The following DGKH variants were observed in gnomAD, a reference collection of about 807,000 sequenced individuals.
DGKH encodes the protein DAG kinase eta.
In DGKH, 90 loss-of-function variants were observed where a neutral mutation model predicts 159.3. The ratio of observed to expected loss-of-function variants is 0.57; its 90% CI spans 0.48 to 0.67. DGKH has a LOEUF of 0.67. DGKH is among the 30% of genes least tolerant of loss of function. The pLI is 0.00. For synonymous variants in DGKH, 536 were observed against 553.8 expected, an observed-to-expected ratio of 0.97 and a Z score of 0.45; for missense variants, 1,181 against 1,506.1, an observed-to-expected ratio of 0.78 and a Z score of 3.57.
intron 1 of DGKH, among the ~76,000 whole-genome samples, chr13:42,057,639 A>G (rs1041997220): frequency 2.0e-5 from 3 of 152,216 alleles, no homozygotes; most frequent in African/African-American, 7.2e-5. Context: ...TCATGCATTC[A>G]AAGAAATATC....
chr13:42,107,022 C>A (rs140496053), intron 1 of DGKH, among the ~76,000 whole-genome samples: 1 of 151,870 alleles, frequency 6.6e-6, no homozygotes, highest in Non-Finnish European at 1.5e-5. Context: ...CCAGCCTGGG[C>A]GACAGAGTGA....
intron 3 of DGKH, among the ~76,000 whole-genome samples, chr13:42,153,525 A>T (rs1364234833): frequency 6.6e-6 from 1 of 152,208 alleles, no homozygotes; most frequent in Admixed American, 6.5e-5. Flanking sequence ...AAATACAATA[A>T]ATGCTAGAGA....
intron 21 of DGKH, among the ~76,000 whole-genome samples, chr13:42,207,007 C>CTT (rs1566191624): frequency 7.0e-6 from 1 of 142,214 alleles, no homozygotes; most frequent in Non-Finnish European, 1.5e-5. Flanking sequence ...TTCTTTCTTT[C>CTT]TTTCTTTCTT....
chr13:42,129,452 C>T, intron 2 of DGKH, 100 bp from the exon 3 acceptor site: 2 of 984,756 alleles, frequency 2.0e-6, no homozygotes, highest in South Asian at 1.8e-5. Context: ...AACTTTTTTC[C>T]CCCATTTTCT....
At chr13:42,149,844 T>A (rs1345561032) in intron 3 of DGKH, among the ~76,000 whole-genome samples, 1 of 152,224 alleles carries the variant, frequency 6.6e-6, no homozygotes, top group East Asian at 1.9e-4. Flanking sequence ...GATAAACTTA[T>A]AAGGGAAAAC....
chr13:42,062,479 C>CAGCA (rs113025058), intron 1 of DGKH, among the ~76,000 whole-genome samples: 1 of 152,116 alleles, frequency 6.6e-6, no homozygotes, highest in Non-Finnish European at 1.5e-5. Context: ...GTAGCCAGAG[C>CAGCA]AGCAAGACCA....
At chr13:42,074,743 T>C (rs1419074065) in intron 1 of DGKH, among the ~76,000 whole-genome samples, 2 of 152,090 alleles carry the variant, frequency 1.3e-5, no homozygotes, top group Non-Finnish European at 2.9e-5. Flanking sequence ...TGTGCTGGAC[T>C]TACAAAGACT....
intron 23 of DGKH, 38 bp downstream of exon 23, chr13:42,209,503 T>C (rs1433930701): frequency 6.6e-7 from 1 of 1,512,588 alleles, no homozygotes; most frequent in Non-Finnish European, 8.8e-7. Context: ...TATTGTCAGG[T>C]TTTTAAAGAA....
At chr13:42,043,587 A>C (rs188603581) in intron 1 of DGKH, 3 of 152,142 alleles carry the variant, frequency 2.0e-5, no homozygotes, top group Admixed American at 6.5e-5. Context: ...CTGACATGGC[A>C]TCCCAAAGAG....
chr13:42,121,585 C>A (rs1016772402), intron 1 of DGKH, among the ~76,000 whole-genome samples: 1 of 152,162 alleles, frequency 6.6e-6, no homozygotes, highest in Non-Finnish European at 1.5e-5. Context: ...GCAGGTAAAA[C>A]CTATCCTCAG....
chr13:42,176,985 ATTGT>A (rs1384331664), intron 12 of DGKH, among the ~76,000 whole-genome samples: 1 of 152,236 alleles, frequency 6.6e-6, no homozygotes, highest in African/African-American at 2.4e-5. Flanking sequence ...CATTTTGACT[ATTGT>A]TTAACAGAAA....
downstream of DGKH, among the ~76,000 whole-genome samples, chr13:42,244,331 G>A (rs1958559513): frequency 6.6e-6 from 1 of 152,182 alleles, no homozygotes; most frequent in African/African-American, 2.4e-5. Flanking sequence ...GCGCTCTCCC[G>A]ATGGTGGTTC....
At chr13:42,165,904 T>C (rs1355251812) in intron 8 of DGKH, among the ~76,000 whole-genome samples, 1 of 152,126 alleles carries the variant, frequency 6.6e-6, no homozygotes, top group Non-Finnish European at 1.5e-5. Flanking sequence ...AACACCGGTT[T>C]TGGGATTGCA....
chr13:42,101,882 G>A (rs1954658653), intron 1 of DGKH, among the ~76,000 whole-genome samples: 1 of 152,182 alleles, frequency 6.6e-6, no homozygotes, highest in Non-Finnish European at 1.5e-5. Flanking sequence ...GAAGAAGAGT[G>A]TGTAGGAAGA....
At chr13:42,117,562 CT>C (rs895736561) in intron 1 of DGKH, among the ~76,000 whole-genome samples, 28 of 151,918 alleles carry the variant, frequency 1.8e-4, no homozygotes, top group Non-Finnish European at 3.7e-4. Context: ...TTTTCCTTTT[CT>C]TTTTTTTCTT....
At chr13:42,200,046 A>T (rs918944280) in intron 20 of DGKH, 137 bp downstream of exon 20, 2 of 685,116 alleles carry the variant, frequency 2.9e-6, no homozygotes, top group Non-Finnish European at 4.7e-6. Context: ...GTGATTATCA[A>T]CTTTGTACTA....
chr13:42,249,060 A>T (rs926264736), intron 29 of DGKH, among the ~76,000 whole-genome samples: 1 of 152,222 alleles, frequency 6.6e-6, no homozygotes, highest in Non-Finnish European at 1.5e-5. Context: ...AATATTTTCT[A>T]TTCTATTTTG....
rs774752653 is a variant in DGKH at position 42,190,454 on chromosome 13, A to G, written c.1964A>G (p.Asp655Gly). 52 of 1,612,260 alleles carry G rather than the reference A, an allele frequency of 3.2e-5. No homozygotes were observed. Among genetic ancestry groups the G allele is most frequent in the Non-Finnish European group, 3.9e-5 (46 of 1,179,304 alleles). The change falls in exon 16 of 30, where the codon GAT becomes GGT. Residue 655 changes from aspartate to glycine, a missense_variant. Asp to Gly is a moderately conservative substitution (Grantham distance 94). This residue lies in a region of DGKH where 257 missense variants were observed against 281.5 expected (regional missense o/e 0.91). Transcript: ENST00000337343. ...HPCEPANQSS[D>G]YDSTETDESK... is the part of the protein sequence containing the mutation. Reference sequence around the variant, plus strand: ...TGTGAACCAGCTAATCAGTCCTCTGATTATGACAGCACAGAAACAGATGAA... The same window carrying G: ...TGTGAACCAGCTAATCAGTCCTCTGGTTATGACAGCACAGAAACAGATGAA...
chr13:42,185,769 T>TG (rs1245889522), intron 13 of DGKH, among the ~76,000 whole-genome samples: 1 of 152,146 alleles, frequency 6.6e-6, no homozygotes, highest in African/African-American at 2.4e-5. Flanking sequence ...AAACTTGACA[T>TG]GAAGTACATG....
Sources: allele counts gnomAD v4.1 joint callset (sites outside exome capture counted in the v4.1 genomes callset), GRCh38; gene constraint gnomAD v4.1.1; regional missense constraint gnomAD v4.1.1; transcripts MANE v1.5; gene names NCBI Gene and HGNC (gene_info 2026-07-23, HGNC 2026-07-21).